Variants in UBP1 observed in about 807,000 individuals in gnomAD.
The protein encoded by UBP1 is upstream-binding protein 1.
In UBP1, 22 loss-of-function variants were observed where a neutral mutation model predicts 76.1. That is an observed-to-expected ratio of 0.29 (90% CI 0.21 to 0.41). The LOEUF (loss-of-function observed/expected upper bound fraction) is 0.41, where lower values mean the gene tolerates loss of function less well. UBP1 is among the 10% of genes least tolerant of loss of function. UBP1 has a pLI of 1.00. For missense variants in UBP1, 436 were observed against 668.1 expected (o/e 0.65, Z 3.83); for synonymous variants, 224 against 237.1 (o/e 0.94, Z 0.51).
At chr3:33,423,388 T>C (rs1312056322) in intron 2 of UBP1, among the ~76,000 whole-genome samples, 1 of 152,178 alleles carries the variant, frequency 6.6e-6, no homozygotes, top group Admixed American at 6.5e-5. Flanking sequence ...CATGTCTACA[T>C]ATACAGTTCA....
At chr3:33,400,816 A>G in intron 10 of UBP1, 146 bp downstream of exon 10, 2 of 724,958 alleles carry the variant, frequency 2.8e-6, no homozygotes, top group South Asian at 1.8e-5. Context: ...CAGGTGATGG[A>G]CACCCAAAAT....
At position 33,439,782 on chromosome 3, in the gene UBP1, G is replaced by A. The variant is rs200365399; in HGVS notation, c.67C>T (p.Leu23Phe). ...SGLVHDFDAS[L>F]SGIGQELGAG... ...CCCAGTTCCTGCCCGATGCCCGAGA[G>A]GCTGGCGTCGAAGTCGTGCACCAGC... is the stretch of plus-strand genomic sequence containing the variant. Residue 23 changes from leucine to phenylalanine, a missense_variant, in exon 1 of 16, where the codon CTC (leucine) becomes TTC (phenylalanine). Coordinates refer to ENST00000283629, the MANE Select transcript of UBP1 (RefSeq NM_014517.5). 272 of 1,612,692 alleles carry A rather than the reference G, an allele frequency of 1.7e-4. No individual in the cohort carries two copies. Among genetic ancestry groups the A allele is most frequent in the Non-Finnish European group, 2.2e-4 (261 of 1,179,708 alleles).
At chr3:33,395,569 G>A (rs1387625145) in intron 13 of UBP1, among the ~76,000 whole-genome samples, 2 of 151,682 alleles carry the variant, frequency 1.3e-5, no homozygotes, top group Non-Finnish European at 2.9e-5. Context: ...CCAAGATAAC[G>A]TACTGGGTAG....
At chr3:33,437,165 T>A (rs2045217361) in intron 1 of UBP1, among the ~76,000 whole-genome samples, 1 of 152,010 alleles carries the variant, frequency 6.6e-6, no homozygotes, top group African/African-American at 2.4e-5. Flanking sequence ...AAAGGTAATG[T>A]TAGTAATTAG....
In UBP1 at chr3:33,389,428, A is replaced by C. The variant is rs1197240191; in HGVS notation, c.*903T>G. On this transcript the variant is annotated 3_prime_UTR_variant, in exon 16 of 16. Transcript: ENST00000283629. ...CCCCCTACTTGGGTCACCTATTTCC[A>C]ATGTCTGGGGTAGGGCTTTAAAAAT... The C allele has an allele frequency of 1.6e-5, 2 of 127,442 alleles. No individual in the cohort carries two copies. The highest frequency in any genetic ancestry group is 3.2e-5 in the Non-Finnish European group (2 of 62,826). 7.9% of individuals were successfully genotyped at this position (127,442 alleles called of 1,614,324 possible). A position where few individuals can be genotyped will look rare whatever the true frequency, so the allele number is the denominator to read the frequency against.
chr3:33,405,183 A>G (rs1238875812), intron 8 of UBP1, among the ~76,000 whole-genome samples: 1 of 152,206 alleles, frequency 6.6e-6, no homozygotes, highest in Non-Finnish European at 1.5e-5. Flanking sequence ...ATAAAAATAA[A>G]TAAGAAAAAA....
rs1223659008 is a variant in UBP1 at position 33,403,572 on chromosome 3, GTCTGTCTGTCTGTCTA to G, written c.928-684_928-669del. 32 of 140,840 alleles carry G rather than the reference GTCTGTCTGTCTGTCTA, an allele frequency of 2.3e-4. 1 individual carries two copies. The highest frequency in any genetic ancestry group is 7.7e-4 in the African/African-American group (29 of 37,676). The allele number at this position is 140,840 out of a possible 1,614,324, so 8.7% of individuals were successfully genotyped here. On this transcript the variant is annotated intron_variant, in intron 8 of 15. Coordinates refer to ENST00000283629, the MANE Select transcript of UBP1 (RefSeq NM_014517.5). ...TGTCTGTCTGTCTGTCTGTCTGTCT[GTCTGTCTGTCTGTCTA>G]TCTATCTATCTATCTTTCCTTCTTT... is the stretch of plus-strand genomic sequence containing the variant.
chr3:33,425,740 C>CA lies in UBP1; in HGVS notation c.114dup (p.Asp39Ter). ...TTGAAAATGGGCAATGCCAAGACAT[C>CA]ACTGAAAAGCAAAAAATCAACACTG... is the stretch of plus-strand genomic sequence containing the variant. On this transcript the variant is annotated frameshift_variant and splice_region_variant, in exon 2 of 16. Transcript: ENST00000283629. LOFTEE classifies it high-confidence loss of function. 6.4e-7 allele frequency: 1 copy of CA among 1,572,306 alleles called. No homozygotes were observed. Among genetic ancestry groups the CA allele is most frequent in the Non-Finnish European group, 8.7e-7 (1 of 1,148,040 alleles).
At chr3:33,433,879 T>C (rs1305461299) in intron 1 of UBP1, among the ~76,000 whole-genome samples, 4 of 146,782 alleles carry the variant, frequency 2.7e-5, no homozygotes, top group East Asian at 4.0e-4. Flanking sequence ...AGTCTGCAAA[T>C]AGCCACTGCA....
chr3:33,407,747 T>C (rs961856802), intron 8 of UBP1, among the ~76,000 whole-genome samples: 2 of 152,208 alleles, frequency 1.3e-5, no homozygotes, highest in African/African-American at 4.8e-5. Flanking sequence ...AATTGCGATA[T>C]GTGTAAGAAT....
At chr3:33,411,489 A>G in intron 5 of UBP1, 92 bp downstream of exon 5, 1 of 1,079,022 alleles carries the variant, frequency 9.3e-7, no homozygotes, top group Middle Eastern at 2.0e-4. Context: ...ATAAATAGAC[A>G]TTTAAAGGAA....
intron 7 of UBP1, 40 bp downstream of exon 7, chr3:33,409,196 C>T: frequency 1.9e-6 from 3 of 1,591,228 alleles, no homozygotes; most frequent in South Asian, 2.2e-5. Context: ...AATATGCAAC[C>T]TTTGCTTCTC....
intron 1 of UBP1, among the ~76,000 whole-genome samples, chr3:33,428,567 T>C (rs1279931951): frequency 6.6e-6 from 1 of 152,024 alleles, no homozygotes; most frequent in African/African-American, 2.4e-5. Context: ...GTCTCCATGA[T>C]CCACACAGAA....
Position 33,425,757 on chromosome 3 carries a change from T to A in UBP1, c.114-16A>T. The A allele has an allele frequency of 4.5e-6, 7 of 1,565,976 alleles. No individual in the cohort carries two copies. Among genetic ancestry groups the A allele is most frequent in the Non-Finnish European group, 6.1e-6 (7 of 1,143,530 alleles). On this transcript the variant is annotated splice_polypyrimidine_tract_variant and intron_variant, in intron 1 of 15. Coordinates refer to ENST00000283629, the MANE Select transcript of UBP1 (RefSeq NM_014517.5). ...CAAGACATCACTGAAAAGCAAAAAA[T>A]CAACACTGACCTTACTTTGGGTTTG...
chr3:33,438,103 G>A (rs1267687174), intron 1 of UBP1, among the ~76,000 whole-genome samples: 1 of 152,120 alleles, frequency 6.6e-6, no homozygotes, highest in Non-Finnish European at 1.5e-5. Context: ...AAAATACATG[G>A]TCAGGGAAAG....
At chr3:33,399,522 C>T (rs1301099107) in intron 11 of UBP1, among the ~76,000 whole-genome samples, 1 of 151,962 alleles carries the variant, frequency 6.6e-6, no homozygotes, top group Non-Finnish European at 1.5e-5. Flanking sequence ...CTTAGGTGGC[C>T]GTTATGCTAG....
In UBP1 at chr3:33,424,763, C is replaced by T. The variant is rs187073681; in HGVS notation, c.265+827G>A. On this transcript the variant is annotated intron_variant, in intron 2 of 15. Coordinates refer to ENST00000283629, the MANE Select transcript of UBP1 (RefSeq NM_014517.5). Reference sequence around the variant, plus strand: ...ACTCTCCTCTTTCCAAAGATAAACTCGGCCGGGTGCAATGGCTCACGCCTG... The same window carrying T: ...ACTCTCCTCTTTCCAAAGATAAACTTGGCCGGGTGCAATGGCTCACGCCTG... Among the ~76,000 whole-genome samples, 235 of 152,240 alleles carry T rather than the reference C, an allele frequency of 1.5e-3. 1 individual carries two copies. The highest frequency in any genetic ancestry group is 3.6e-3 in the African/African-American group (151 of 41,550).
intron 2 of UBP1, among the ~76,000 whole-genome samples, chr3:33,423,935 A>G (rs1464624044): frequency 1.3e-5 from 2 of 152,232 alleles, no homozygotes; most frequent in East Asian, 1.9e-4. Context: ...AACCATGATA[A>G]ATTATGGGCA....
At chr3:33,438,710 G>A (rs897982497) in intron 1 of UBP1, among the ~76,000 whole-genome samples, 2 of 152,104 alleles carry the variant, frequency 1.3e-5, no homozygotes, top group Non-Finnish European at 1.5e-5. Context: ...TTATGGCTCA[G>A]AATTTCTCCT....
Sources: allele counts gnomAD v4.1 joint callset (sites outside exome capture counted in the v4.1 genomes callset), GRCh38; gene constraint gnomAD v4.1.1; transcripts MANE v1.5; gene names NCBI Gene and HGNC (gene_info 2026-07-23, HGNC 2026-07-21).